The following GPHN variants were observed in gnomAD, a reference collection of about 807,000 sequenced individuals.
GPHN encodes gephyrin.
A neutral mutation model predicts 95.5 loss-of-function variants in GPHN; 17 were observed. The ratio of observed to expected loss-of-function variants is 0.18; its 90% CI spans 0.12 to 0.27. The LOEUF (loss-of-function observed/expected upper bound fraction) is 0.27, where lower values mean the gene tolerates loss of function less well. Ranked by LOEUF, GPHN falls within the 10% of genes least tolerant of loss-of-function variation. The pLI, the probability that GPHN is intolerant of heterozygous loss-of-function variation, is 1.00. For missense variants in GPHN, 660 were observed against 978.1 expected, an observed-to-expected ratio of 0.67 and a Z score of 4.34; for synonymous variants, 320 against 322.5, an observed-to-expected ratio of 0.99 and a Z score of 0.08.
chr14:67,694,319 C>T, the GPHN span, among the ~76,000 whole-genome samples: 2 of 151,970 alleles, frequency 1.3e-5, no homozygotes, highest in Admixed American at 6.6e-5. Context: ...TTAGTAGGAC[C>T]TGTACTTAGT....
intron 2 of GPHN, among the ~76,000 whole-genome samples, chr14:66,700,227 G>A (rs1488824549): frequency 6.6e-6 from 1 of 152,196 alleles, no homozygotes; most frequent in Non-Finnish European, 1.5e-5. Flanking sequence ...GTTTTTAGGG[G>A]AGGAGGTGAG....
At chr14:66,547,803 T>A (rs2059656874) in intron 1 of GPHN, among the ~76,000 whole-genome samples, 1 of 152,250 alleles carries the variant, frequency 6.6e-6, no homozygotes, top group Non-Finnish European at 1.5e-5. Flanking sequence ...GTGCATACCA[T>A]ACATCATATC....
chr14:66,885,716 T>C (rs565413877), intron 5 of GPHN, among the ~76,000 whole-genome samples: 3 of 151,894 alleles, frequency 2.0e-5, no homozygotes, highest in Non-Finnish European at 4.4e-5. Flanking sequence ...GGCAGCTACA[T>C]ATATGGGGGA....
chr14:67,338,766 T>G, the GPHN span: 1 of 1,609,446 alleles, frequency 6.2e-7, no homozygotes, highest in Non-Finnish European at 8.5e-7. Flanking sequence ...CTTTAACCTG[T>G]AAAATACAGG....
chr14:66,929,273 C>G (rs1273065159), intron 8 of GPHN, among the ~76,000 whole-genome samples: 2 of 151,756 alleles, frequency 1.3e-5, no homozygotes, highest in Non-Finnish European at 1.5e-5. Flanking sequence ...AGGCTGATCT[C>G]GAACTCCTGG....
At chr14:67,176,396 T>G (rs1253490090) in intron 21 of GPHN, among the ~76,000 whole-genome samples, 3 of 152,256 alleles carry the variant, frequency 2.0e-5, no homozygotes, top group African/African-American at 7.2e-5. Context: ...TTTGCATATG[T>G]TGAACCAGCC....
At chr14:66,764,724 A>G (rs1483829549) in intron 2 of GPHN, among the ~76,000 whole-genome samples, 1 of 152,166 alleles carries the variant, frequency 6.6e-6, no homozygotes, top group Non-Finnish European at 1.5e-5. Flanking sequence ...GCTATATATC[A>G]TCAAGAAAAA....
chr14:67,088,601 C>G (rs2077003451), intron 11 of GPHN, among the ~76,000 whole-genome samples: 1 of 152,082 alleles, frequency 6.6e-6, no homozygotes, highest in Non-Finnish European at 1.5e-5. Context: ...ATCCATTTTC[C>G]TACGATAGAT....
At chr14:67,172,302 G>A (rs1374988912) in intron 21 of GPHN, among the ~76,000 whole-genome samples, 1 of 152,068 alleles carries the variant, frequency 6.6e-6, no homozygotes, top group African/African-American at 2.4e-5. Flanking sequence ...CGGCCTCCTA[G>A]GAAAACAGTA....
chr14:67,049,267 G>A (rs1343096024), intron 10 of GPHN, among the ~76,000 whole-genome samples: 2 of 151,814 alleles, frequency 1.3e-5, no homozygotes, highest in East Asian at 1.9e-4. Context: ...TCACCGTGTC[G>A]CCCAGGCTGG....
chr14:67,289,285 A>C, the GPHN span, among the ~76,000 whole-genome samples: 1 of 152,104 alleles, frequency 6.6e-6, no homozygotes, highest in South Asian at 2.1e-4. Context: ...TTTAAGTCTT[A>C]TAAGTCTTTA....
At position 66,629,152 on chromosome 14, in the gene GPHN, TA is replaced by T. The variant is rs1201926047; in HGVS notation, c.65-51954del. 9.5e-3 allele frequency among the ~76,000 whole-genome samples: 1,094 copies of T among 115,762 alleles called. 23 individuals are homozygous for T. Among genetic ancestry groups the T allele is most frequent in the Non-Finnish European group, 0.014 (793 of 58,688 alleles). The allele number at this position is 115,762 out of a possible 152,430, so 75.9% of individuals were successfully genotyped here. A position where few individuals can be genotyped will look rare whatever the true frequency, so the allele number is the denominator to read the frequency against. On this transcript the variant is annotated intron_variant, in intron 1 of 22. Transcript: ENST00000478722. ...ATATAAATATATATTTATATACATATATAAATATGTATATAAATATATATAT... is the reference window on the plus strand; with the variant it reads ...ATATAAATATATATTTATATACATATTAAATATGTATATAAATATATATAT...
At chr14:66,725,035 G>A (rs1322473353) in intron 2 of GPHN, among the ~76,000 whole-genome samples, 1 of 152,112 alleles carries the variant, frequency 6.6e-6, no homozygotes, top group Non-Finnish European at 1.5e-5. Flanking sequence ...TAAAAGTGTG[G>A]CTCTTCTTAT....
At chr14:67,398,497 G>A in the GPHN span, among the ~76,000 whole-genome samples, 1 of 152,048 alleles carries the variant, frequency 6.6e-6, no homozygotes, top group South Asian at 2.1e-4. Flanking sequence ...CCTGCCACCT[G>A]AGAACCACCT....
the GPHN span, among the ~76,000 whole-genome samples, chr14:67,377,724 T>C: frequency 1.5e-4 from 23 of 152,250 alleles, no homozygotes; most frequent in East Asian, 4.4e-3. Flanking sequence ...CATAAAAATA[T>C]CTCTAGTTTC....
chr14:67,035,002 G>A (rs1391080224), intron 10 of GPHN, among the ~76,000 whole-genome samples: 3 of 152,046 alleles, frequency 2.0e-5, no homozygotes, highest in Admixed American at 6.6e-5. Context: ...CTGTAGGATA[G>A]ACCACATATT....
intron 21 of GPHN, among the ~76,000 whole-genome samples, chr14:67,176,979 T>C (rs886578444): frequency 6.6e-6 from 1 of 152,234 alleles, no homozygotes; most frequent in African/African-American, 2.4e-5. Context: ...TCTTCTTTGT[T>C]AGTCTTGCTA....
the GPHN span, among the ~76,000 whole-genome samples, chr14:67,590,585 C>T: frequency 7.9e-5 from 12 of 152,178 alleles, no homozygotes; most frequent in Admixed American, 6.5e-4. Flanking sequence ...TCTTGAACTC[C>T]TGGCCTTAAG....
chr14:66,662,743 A>C (rs2065735789), intron 1 of GPHN, among the ~76,000 whole-genome samples: 1 of 152,224 alleles, frequency 6.6e-6, no homozygotes, highest in African/African-American at 2.4e-5. Flanking sequence ...CATTTCAGCA[A>C]CTGACAAGGT....
Sources: allele counts gnomAD v4.1 joint callset (sites outside exome capture counted in the v4.1 genomes callset), GRCh38; gene constraint gnomAD v4.1.1; transcripts MANE v1.5; gene names NCBI Gene and HGNC (gene_info 2026-07-23, HGNC 2026-07-21).